Variants in TTC7B observed in about 807,000 individuals in gnomAD.
TTC7B encodes tetratricopeptide repeat domain 7B.
TTC7B carries 28 observed loss-of-function variants against 106.8 expected under a neutral mutation model. That is an observed-to-expected ratio of 0.26 (90% CI 0.19 to 0.36). TTC7B has a LOEUF of 0.36. Ranked by LOEUF, TTC7B falls within the 10% of genes least tolerant of loss-of-function variation. TTC7B has a pLI of 1.00. For missense variants in TTC7B, 862 were observed against 1,076.4 expected, an observed-to-expected ratio of 0.80 and a Z score of 2.79; for synonymous variants, 405 against 430.6, an observed-to-expected ratio of 0.94 and a Z score of 0.74.
intron 5 of TTC7B, among the ~76,000 whole-genome samples, chr14:90,703,652 T>C (rs1415824066): frequency 6.6e-6 from 1 of 152,150 alleles, no homozygotes; most frequent in African/African-American, 2.4e-5. Context: ...GCCAAGCAGG[T>C]AGCAGAGGTG....
At chr14:90,752,927 G>A (rs1185043580) in intron 3 of TTC7B, among the ~76,000 whole-genome samples, 2 of 152,224 alleles carry the variant, frequency 1.3e-5, no homozygotes, top group Admixed American at 6.5e-5. Flanking sequence ...ACTTTAGGGT[G>A]CTGATTTTCT....
intron 17 of TTC7B, among the ~76,000 whole-genome samples, chr14:90,602,824 G>A (rs1487183400): frequency 6.6e-6 from 1 of 151,988 alleles, no homozygotes; most frequent in African/African-American, 2.4e-5. Flanking sequence ...AGTTAGAATT[G>A]CTCTCCTATG....
intron 3 of TTC7B, among the ~76,000 whole-genome samples, chr14:90,748,914 G>A (rs1347730400): frequency 1.3e-5 from 2 of 152,102 alleles, no homozygotes; most frequent in African/African-American, 4.8e-5. Flanking sequence ...TTGTAGGGTA[G>A]TTCTGCTCCT....
At chr14:90,726,814 C>T (rs1889120710) in intron 5 of TTC7B, among the ~76,000 whole-genome samples, 1 of 152,192 alleles carries the variant, frequency 6.6e-6, no homozygotes, top group Admixed American at 6.5e-5. Context: ...TGCGGAGCCT[C>T]AACAAGATGT....
chr14:90,543,503 T>C (rs759345257), intron 19 of TTC7B, among the ~76,000 whole-genome samples: 35 of 152,264 alleles, frequency 2.3e-4, no homozygotes, highest in Non-Finnish European at 3.5e-4. Flanking sequence ...CACCACAGTT[T>C]TCATTTCTGT....
At chr14:90,555,274 G>A (rs186732951) in intron 19 of TTC7B, among the ~76,000 whole-genome samples, 1 of 152,160 alleles carries the variant, frequency 6.6e-6, no homozygotes, top group Non-Finnish European at 1.5e-5. Flanking sequence ...TGAGAGTGAC[G>A]CAGCCGACTT....
At chr14:90,586,056 A>G (rs1891695836) in intron 18 of TTC7B, among the ~76,000 whole-genome samples, 1 of 152,230 alleles carries the variant, frequency 6.6e-6, no homozygotes, top group Non-Finnish European at 1.5e-5. Flanking sequence ...TAGAAGACAT[A>G]GAGGCTCAGT....
chr14:90,740,704 G>T (rs1889727605), intron 4 of TTC7B, among the ~76,000 whole-genome samples: 1 of 151,914 alleles, frequency 6.6e-6, no homozygotes, highest in Non-Finnish European at 1.5e-5. Context: ...GTTTCACCTT[G>T]TTGGCCAGGC....
At chr14:90,569,000 C>T (rs185303905) in intron 19 of TTC7B, among the ~76,000 whole-genome samples, 3 of 152,204 alleles carry the variant, frequency 2.0e-5, no homozygotes, top group East Asian at 1.9e-4. Flanking sequence ...TACCTCCCCC[C>T]ACTCAATCCT....
At chr14:90,621,082 A>T (rs986539799) in intron 15 of TTC7B, among the ~76,000 whole-genome samples, 7 of 152,022 alleles carry the variant, frequency 4.6e-5, no homozygotes, top group African/African-American at 1.7e-4. Context: ...GGCTGGGATG[A>T]TGGGGCAGAG....
chr14:90,717,729 C>A (rs1450718654), intron 5 of TTC7B, among the ~76,000 whole-genome samples: 1 of 152,178 alleles, frequency 6.6e-6, no homozygotes, highest in Non-Finnish European at 1.5e-5. Context: ...TAGGTCCCCA[C>A]CCCCAGCCCA....
At chr14:90,545,328 CTG>C (rs1423108990) in intron 19 of TTC7B, among the ~76,000 whole-genome samples, 2 of 152,246 alleles carry the variant, frequency 1.3e-5, no homozygotes, top group African/African-American at 4.8e-5. Context: ...GTCTGCCATG[CTG>C]TGTCTTCCCT....
intron 5 of TTC7B, among the ~76,000 whole-genome samples, chr14:90,700,639 T>C (rs1298032762): frequency 6.6e-6 from 1 of 151,508 alleles, no homozygotes; most frequent in African/African-American, 2.4e-5. Flanking sequence ...AGGTACTTGG[T>C]ATACCATGAG....
At chr14:90,816,032 C>G in intron 1 of TTC7B, 143 bp downstream of exon 1, 1 of 940,128 alleles carries the variant, frequency 1.1e-6, no homozygotes, top group Non-Finnish European at 1.3e-6. Flanking sequence ...GGCCCCGGTC[C>G]CGCGCACATC....
rs1189202553 is a variant in TTC7B at position 90,676,673 on chromosome 14, G to A, written c.1015-13C>T. 6.2e-7 allele frequency: 1 copy of A among 1,612,678 alleles called. No individual in the cohort carries two copies. The highest frequency in any genetic ancestry group is 1.7e-5 in the Admixed American group (1 of 59,994). On this transcript the variant is annotated splice_polypyrimidine_tract_variant and intron_variant, in intron 8 of 19. Transcript: ENST00000328459. Reference sequence around the variant, plus strand: ...CGTCCCGGTTGGCCTGAAAAAACATGGAATAGAGAAGCAGATGGAGAGAGA... The same window carrying A: ...CGTCCCGGTTGGCCTGAAAAAACATAGAATAGAGAAGCAGATGGAGAGAGA...
At chr14:90,689,855 G>A in intron 6 of TTC7B, 143 bp from the exon 7 acceptor site, 4 of 827,210 alleles carry the variant, frequency 4.8e-6, no homozygotes, top group Non-Finnish European at 7.1e-6. Context: ...CCTTTACGAT[G>A]GTAATCATAC....
chr14:90,644,009 C>A, intron 15 of TTC7B, 39 bp downstream of exon 15: 7 of 1,613,300 alleles, frequency 4.3e-6, no homozygotes, highest in Non-Finnish European at 5.9e-6. Context: ...AATTTAATAA[C>A]TTCTGAGTAA....
chr14:90,639,471 A>G (rs1885076365), intron 15 of TTC7B, among the ~76,000 whole-genome samples: 1 of 152,258 alleles, frequency 6.6e-6, no homozygotes, highest in South Asian at 2.1e-4. Flanking sequence ...GGGATGCGCA[A>G]CTTAAACTCA....
intron 1 of TTC7B, among the ~76,000 whole-genome samples, chr14:90,812,696 T>A (rs570799316): frequency 1.3e-5 from 2 of 152,160 alleles, no homozygotes; most frequent in East Asian, 3.9e-4. Context: ...ACAGCTAGGT[T>A]CCACCACATT....
Sources: allele counts gnomAD v4.1 joint callset (sites outside exome capture counted in the v4.1 genomes callset), GRCh38; gene constraint gnomAD v4.1.1; transcripts MANE v1.5; gene names NCBI Gene and HGNC (gene_info 2026-07-23, HGNC 2026-07-21).